KCNH1: variants seen among roughly 807,000 people sequenced by gnomAD.
KCNH1 encodes potassium voltage-gated channel subfamily H member 1, also known as voltage-gated delayed rectifier potassium channel KCNH1.
Under a neutral mutation model 69.2 loss-of-function variants are expected in KCNH1, and 27 were observed. That is an observed-to-expected ratio of 0.39 (90% CI 0.29 to 0.54). The LOEUF is 0.54. Ranked by LOEUF, KCNH1 falls within the 20% of genes least tolerant of loss-of-function variation. The pLI is 0.68. For missense variants in KCNH1, 798 were observed against 1,261.6 expected (o/e 0.63, Z 5.57); for synonymous variants, 456 against 487.7 (o/e 0.93, Z 0.86).
At chr1:210,701,384 T>A (rs912533105) in intron 10 of KCNH1, among the ~76,000 whole-genome samples, 2 of 152,264 alleles carry the variant, frequency 1.3e-5, no homozygotes, top group Middle Eastern at 3.4e-3. Context: ...GGTTTGTACT[T>A]TTTGTGTAGA....
At chr1:211,092,476 C>T (rs1233095016) in intron 3 of KCNH1, among the ~76,000 whole-genome samples, 2 of 152,156 alleles carry the variant, frequency 1.3e-5, no homozygotes, top group Non-Finnish European at 2.9e-5. Flanking sequence ...TAATTTTAAC[C>T]TTCTTTCCAT....
At chr1:211,050,260 TAAAAAAAAAAAAA>T (rs747498526) in intron 5 of KCNH1, among the ~76,000 whole-genome samples, 1,004 of 58,604 alleles carry the variant, frequency 0.017, 41 homozygotes, top group African/African-American at 0.064. Context: ...CACACATTCT[TAAAAAAAAAAAAA>T]AAAAAAAAAA....
intron 7 of KCNH1, among the ~76,000 whole-genome samples, chr1:210,830,867 G>A (rs1056020319): frequency 1.3e-5 from 2 of 152,158 alleles, no homozygotes; most frequent in African/African-American, 4.8e-5. Flanking sequence ...AACTCTAAAA[G>A]ACCAATAAAA....
intron 5 of KCNH1, among the ~76,000 whole-genome samples, chr1:211,081,806 C>T (rs547691515): frequency 3.3e-5 from 5 of 152,048 alleles, no homozygotes; most frequent in South Asian, 2.1e-4. Context: ...CATCACACCC[C>T]GGGGCCTGTC....
At chr1:210,754,248 G>GA (rs1683345746) in intron 10 of KCNH1, among the ~76,000 whole-genome samples, 2 of 151,846 alleles carry the variant, frequency 1.3e-5, no homozygotes, top group Non-Finnish European at 2.9e-5. Context: ...GACCCAAAGG[G>GA]AAAAAAATAC....
chr1:210,768,022 C>T (rs912351039), intron 10 of KCNH1, among the ~76,000 whole-genome samples: 1 of 152,138 alleles, frequency 6.6e-6, no homozygotes, highest in Non-Finnish European at 1.5e-5. Context: ...GATGAACCAC[C>T]TGGATCTCTA....
chr1:210,829,029 T>C (rs2102436596), intron 7 of KCNH1, among the ~76,000 whole-genome samples: 1 of 152,266 alleles, frequency 6.6e-6, no homozygotes, highest in South Asian at 2.1e-4. Context: ...ATAGCTTATG[T>C]TTTCAAGTAT....
chr1:210,738,113 C>G (rs55723924), intron 10 of KCNH1, among the ~76,000 whole-genome samples: 3 of 151,736 alleles, frequency 2.0e-5, no homozygotes, highest in South Asian at 2.1e-4. Flanking sequence ...TCACTCCCCC[C>G]GCAACCATAT....
intron 1 of KCNH1, among the ~76,000 whole-genome samples, chr1:211,127,904 C>T (rs934222181): frequency 1.3e-5 from 2 of 152,162 alleles, no homozygotes; most frequent in Non-Finnish European, 2.9e-5. Flanking sequence ...TTTGTAGCAG[C>T]ATTAATAGCA....
intron 6 of KCNH1, among the ~76,000 whole-genome samples, chr1:210,997,821 A>C (rs1322413997): frequency 6.6e-6 from 1 of 152,268 alleles, no homozygotes; most frequent in African/African-American, 2.4e-5. Flanking sequence ...CTCTCGGCAG[A>C]AATTCTACAA....
intron 9 of KCNH1, among the ~76,000 whole-genome samples, chr1:210,796,003 A>ACACACACAC (rs56321893): frequency 1.2e-4 from 17 of 147,188 alleles, no homozygotes; most frequent in African/African-American, 2.3e-4. Flanking sequence ...ACACACACAC[A>ACACACACAC]AATTAGCTGG....
intron 7 of KCNH1, among the ~76,000 whole-genome samples, chr1:210,835,018 G>A (rs531956722): frequency 1.3e-5 from 2 of 152,152 alleles, no homozygotes; most frequent in Admixed American, 6.6e-5. Context: ...TTCTGTATGC[G>A]AGTCATAAAG....
At chr1:210,882,694 A>G (rs1334303175) in intron 7 of KCNH1, among the ~76,000 whole-genome samples, 1 of 152,162 alleles carries the variant, frequency 6.6e-6, no homozygotes, top group Admixed American at 6.5e-5. Context: ...AGAAAGCACA[A>G]ACATAAGGAG....
chr1:210,990,521 G>A (rs1226170465), intron 6 of KCNH1, among the ~76,000 whole-genome samples: 1 of 152,060 alleles, frequency 6.6e-6, no homozygotes, highest in Non-Finnish European at 1.5e-5. Flanking sequence ...GTGTGACCCT[G>A]GGCAAGGTAC....
In KCNH1 at chr1:210,919,357, A is replaced by G. The variant is rs986137409; in HGVS notation, c.1462+283T>C. ...TATATGTATTCAGATATGCAAAGAA[A>G]ATAGTCTGTAAGAGAAGACACCAAC... On this transcript the variant is annotated intron_variant, in intron 7 of 10. Transcript: ENST00000271751. The surrounding 1 kb of genome is among the most constrained non-coding windows in gnomAD (Gnocchi z 4.2). 6.0e-5 allele frequency: 21 copies of G among 349,366 alleles called. No homozygotes were observed. The highest frequency in any genetic ancestry group is 9.9e-5 in the Non-Finnish European group (19 of 191,554). 21.6% of individuals were successfully genotyped at this position (349,366 alleles called of 1,614,324 possible). A position where few individuals can be genotyped will look rare whatever the true frequency, so the allele number is the denominator to read the frequency against.
At chr1:210,887,363 C>A (rs571808031) in intron 7 of KCNH1, among the ~76,000 whole-genome samples, 7 of 152,172 alleles carry the variant, frequency 4.6e-5, no homozygotes, top group African/African-American at 1.7e-4. Context: ...TTTGTTACCA[C>A]CAGGCCTGCC....
chr1:210,864,079 A>C (rs1253435779), intron 7 of KCNH1, among the ~76,000 whole-genome samples: 2 of 152,206 alleles, frequency 1.3e-5, no homozygotes, highest in African/African-American at 4.8e-5. Context: ...GGTAGAGCTA[A>C]TTTACAGGAA....
chr1:210,972,979 T>C (rs757610124), intron 6 of KCNH1, among the ~76,000 whole-genome samples: 76 of 151,856 alleles, frequency 5.0e-4, no homozygotes, highest in Middle Eastern at 3.4e-3. Context: ...TACTCACTCT[T>C]CTACCCTTTG....
chr1:210,943,386 T>C (rs1687906028), intron 6 of KCNH1, among the ~76,000 whole-genome samples: 1 of 152,152 alleles, frequency 6.6e-6, no homozygotes. Flanking sequence ...TCTCTCTCTG[T>C]TGCCCAGGCT....
Sources: allele counts gnomAD v4.1 joint callset (sites outside exome capture counted in the v4.1 genomes callset), GRCh38; gene constraint gnomAD v4.1.1; non-coding constraint Gnocchi (gnomAD v3.1); transcripts MANE v1.5; gene names NCBI Gene and HGNC (gene_info 2026-07-23, HGNC 2026-07-21).